The following CALN1 variants were observed in gnomAD, a reference collection of about 807,000 sequenced individuals.
CALN1 encodes calneuron 1.
CALN1 carries 17 observed loss-of-function variants against 30.6 expected under a neutral mutation model. The observed-to-expected ratio is 0.56, with a 90% CI of 0.38 to 0.83. CALN1 has a LOEUF of 0.83. CALN1 is among the 40% of genes least tolerant of loss of function. The probability of loss-of-function intolerance (pLI) is 0.00; values close to 1 mark genes in which losing one functional copy is unlikely to be tolerated. For missense variants in CALN1, 291 were observed against 354.9 expected (o/e 0.82, Z 1.45); for synonymous variants, 156 against 131.4 (o/e 1.19, Z -1.28).
At chr7:72,307,280 T>C (rs1799719171) in intron 2 of CALN1, among the ~76,000 whole-genome samples, 2 of 152,174 alleles carry the variant, frequency 1.3e-5, no homozygotes, top group Admixed American at 6.6e-5. Flanking sequence ...TGGAAAGCCA[T>C]TTGAAACTTA....
chr7:72,063,767 T>C (rs1803827625), intron 4 of CALN1, among the ~76,000 whole-genome samples: 1 of 152,172 alleles, frequency 6.6e-6, no homozygotes, highest in South Asian at 2.1e-4. Flanking sequence ...AAGGAAATGC[T>C]CATTGGGGCA....
chr7:72,051,276 GAA>G (rs980350031), intron 4 of CALN1, among the ~76,000 whole-genome samples: 1 of 151,808 alleles, frequency 6.6e-6, no homozygotes, highest in Non-Finnish European at 1.5e-5. Context: ...TTACAACTGA[GAA>G]AAGCTATGCA....
At chr7:72,464,458 TG>T in the CALN1 span, among the ~76,000 whole-genome samples, 1 of 152,180 alleles carries the variant, frequency 6.6e-6, no homozygotes, top group East Asian at 1.9e-4. Flanking sequence ...GGTGACCAAA[TG>T]TCCATATTAG....
chr7:71,801,424 G>C (rs62459039), intron 6 of CALN1, among the ~76,000 whole-genome samples: 30,378 of 98,046 alleles, frequency 0.31, 4,435 homozygotes, highest in East Asian at 0.38. Context: ...ATGTATGTAT[G>C]TATGTATCTA....
At chr7:72,370,614 G>A (rs890146160) in intron 2 of CALN1, among the ~76,000 whole-genome samples, 85 of 148,716 alleles carry the variant, frequency 5.7e-4, no homozygotes, top group African/African-American at 1.8e-3. Flanking sequence ...CCGAGATCAC[G>A]CCACTGCACT....
intron 4 of CALN1, among the ~76,000 whole-genome samples, chr7:72,027,326 C>G (rs1801128733): frequency 6.6e-6 from 1 of 152,172 alleles, no homozygotes; most frequent in Non-Finnish European, 1.5e-5. Flanking sequence ...GGTCTATCAG[C>G]AGTGGGCATC....
intron 5 of CALN1, among the ~76,000 whole-genome samples, chr7:71,960,696 T>C (rs1407475558): frequency 1.3e-5 from 2 of 152,222 alleles, no homozygotes; most frequent in Non-Finnish European, 2.9e-5. Flanking sequence ...GATTGCTGGA[T>C]TGAATGGCAG....
intron 5 of CALN1, among the ~76,000 whole-genome samples, chr7:71,977,757 C>A (rs1045762250): frequency 6.6e-6 from 1 of 151,946 alleles, no homozygotes; most frequent in Non-Finnish European, 1.5e-5. Flanking sequence ...CATGGTGAAA[C>A]CCCATCTCTA....
chr7:72,417,470 G>A (rs1807459088), intron 1 of CALN1, among the ~76,000 whole-genome samples: 1 of 152,230 alleles, frequency 6.6e-6, no homozygotes, highest in Non-Finnish European at 1.5e-5. Context: ...CAAGCCTGGG[G>A]TGGCTTTCTA....
intron 3 of CALN1, among the ~76,000 whole-genome samples, chr7:72,159,532 T>G (rs1787953369): frequency 6.6e-6 from 1 of 151,180 alleles, no homozygotes; most frequent in Non-Finnish European, 1.5e-5. Context: ...GCATAGTGGC[T>G]TATGCCTGTA....
At chr7:72,106,864 GAAGGAAGGAAGGAAAA>G (rs1317096998) in intron 3 of CALN1, among the ~76,000 whole-genome samples, 2 of 100,834 alleles carry the variant, frequency 2.0e-5, no homozygotes, top group African/African-American at 6.8e-5. Context: ...AAGGAAGGAG[GAAGGAAGGAAGGAAAA>G]AAGGAAAGAA....
At chr7:72,191,810 G>T (rs1247058153) in intron 3 of CALN1, among the ~76,000 whole-genome samples, 1 of 152,132 alleles carries the variant, frequency 6.6e-6, no homozygotes, top group African/African-American at 2.4e-5. Flanking sequence ...GGCTTTTCTA[G>T]AAGTTGAAGT....
intron 5 of CALN1, among the ~76,000 whole-genome samples, chr7:71,979,463 C>T (rs1487703057): frequency 1.3e-5 from 2 of 152,132 alleles, no homozygotes; most frequent in African/African-American, 2.4e-5. Context: ...AGATCCCTCA[C>T]ATGCGCAGTT....
At chr7:72,169,766 T>G (rs1788806473) in intron 3 of CALN1, among the ~76,000 whole-genome samples, 1 of 150,114 alleles carries the variant, frequency 6.7e-6, no homozygotes, top group Admixed American at 6.6e-5. Context: ...CTCGGCTCAC[T>G]GCAACTTCCA....
chr7:72,280,099 A>T (rs1797633275), intron 2 of CALN1, among the ~76,000 whole-genome samples: 1 of 152,328 alleles, frequency 6.6e-6, no homozygotes, highest in Admixed American at 6.5e-5. Flanking sequence ...AGTGCCAGAC[A>T]TTTCCACCCG....
chr7:71,989,680 T>C (rs1353556438), intron 5 of CALN1, among the ~76,000 whole-genome samples: 2 of 150,480 alleles, frequency 1.3e-5, no homozygotes, highest in African/African-American at 2.4e-5. Context: ...GGGGCGAGGG[T>C]TGGAGGGGAG....
chr7:71,847,559 G>A (rs66463629), intron 5 of CALN1, among the ~76,000 whole-genome samples: 21,218 of 151,486 alleles, frequency 0.14, 2,376 homozygotes, highest in East Asian at 0.51. Flanking sequence ...GTGCATGCCT[G>A]TAATCCCAGC....
chr7:71,806,386 AACCTCC>A (rs948635283), intron 6 of CALN1, among the ~76,000 whole-genome samples: 1 of 149,946 alleles, frequency 6.7e-6, no homozygotes, highest in African/African-American at 2.5e-5. Context: ...GGTTCACTGC[AACCTCC>A]ACCTCCTGGG....
intron 2 of CALN1, among the ~76,000 whole-genome samples, chr7:72,393,558 C>G (rs1213933484): frequency 1.3e-5 from 2 of 152,074 alleles, no homozygotes; most frequent in African/African-American, 4.8e-5. Context: ...TGTCATAAAG[C>G]AAGGAGGACA....
Sources: allele counts gnomAD v4.1 joint callset (sites outside exome capture counted in the v4.1 genomes callset), GRCh38; gene constraint gnomAD v4.1.1; transcripts MANE v1.5; gene names NCBI Gene and HGNC (gene_info 2026-07-23, HGNC 2026-07-21).